Variants in RREB1 observed in about 807,000 individuals in gnomAD.
RREB1 encodes the protein ras responsive element binding protein 1, also known as ras-responsive element-binding protein 1.
Under a neutral mutation model 117.8 loss-of-function variants are expected in RREB1, and 27 were observed. That is an observed-to-expected ratio of 0.23 (90% CI 0.17 to 0.32). The LOEUF (loss-of-function observed/expected upper bound fraction) is 0.32. RREB1 is among the 10% of genes least tolerant of loss of function. RREB1 has a pLI of 1.00. For missense variants in RREB1, 2,577 were observed against 2,378.2 expected (o/e 1.08, Z -1.74); for synonymous variants, 1,298 against 1,026.7 (o/e 1.26, Z -5.05).
At chr6:7,168,270 A>G (rs2113486930) in intron 1 of RREB1, among the ~76,000 whole-genome samples, 1 of 152,004 alleles carries the variant, frequency 6.6e-6, no homozygotes, top group South Asian at 2.1e-4. Flanking sequence ...AAAAAAAAAA[A>G]AAAAAAGATT....
intron 8 of RREB1, among the ~76,000 whole-genome samples, chr6:7,223,853 T>C (rs1767429958): frequency 6.6e-6 from 1 of 152,226 alleles, no homozygotes; most frequent in Admixed American, 6.5e-5. Context: ...CTTTTGCAGT[T>C]GACTTGTATG....
chr6:7,206,883 AGTCT>A (rs1766305054), intron 6 of RREB1, among the ~76,000 whole-genome samples: 1 of 152,214 alleles, frequency 6.6e-6, no homozygotes, highest in South Asian at 2.1e-4. Context: ...CACAGGGGCT[AGTCT>A]GTCTGAAAGA....
At chr6:7,220,704 A>C (rs1322530874) in intron 8 of RREB1, among the ~76,000 whole-genome samples, 1 of 152,192 alleles carries the variant, frequency 6.6e-6, no homozygotes, top group Non-Finnish European at 1.5e-5. Flanking sequence ...TGCAAAACGA[A>C]ATTGTCCTAC....
intron 1 of RREB1, among the ~76,000 whole-genome samples, chr6:7,139,851 C>A (rs1762486754): frequency 6.6e-6 from 1 of 152,140 alleles, no homozygotes; most frequent in South Asian, 2.1e-4. Flanking sequence ...AAAAAAATTC[C>A]TTCTTGGTCC....
chr6:7,195,530 G>C (rs933338427), intron 6 of RREB1, among the ~76,000 whole-genome samples: 3 of 152,214 alleles, frequency 2.0e-5, no homozygotes, highest in Admixed American at 2.0e-4. Context: ...ACTGCCCTGG[G>C]ATGTGTGTGC....
intron 1 of RREB1, among the ~76,000 whole-genome samples, chr6:7,129,922 G>GGTA (rs1762082468): frequency 6.6e-6 from 1 of 152,158 alleles, no homozygotes; most frequent in South Asian, 2.1e-4. Flanking sequence ...GTTTACTGAA[G>GGTA]GTAGGGCCAA....
At chr6:7,107,891 G>C (rs1324734692), upstream of RREB1, 1 of 153,026 alleles carries the variant, frequency 6.5e-6, no homozygotes, top group African/African-American at 2.4e-5. Flanking sequence ...CTCCCTCCCT[G>C]TGGGAGAAGA....
At chr6:7,241,521 G>T (rs1768705167) in intron 11 of RREB1, among the ~76,000 whole-genome samples, 1 of 152,286 alleles carries the variant, frequency 6.6e-6, no homozygotes, top group South Asian at 2.1e-4. Context: ...TGTTTTTTTA[G>T]GGTTGTATTT....
chr6:7,167,158 C>T (rs745673109), intron 1 of RREB1, among the ~76,000 whole-genome samples: 3 of 152,072 alleles, frequency 2.0e-5, no homozygotes, highest in Admixed American at 6.6e-5. Context: ...TGTGTACTTC[C>T]GTAATTAACC....
At chr6:7,109,248 G>A (rs1266838798) in intron 1 of RREB1, among the ~76,000 whole-genome samples, 1 of 151,580 alleles carries the variant, frequency 6.6e-6, no homozygotes, top group Non-Finnish European at 1.5e-5. Flanking sequence ...GGGGCCTGTT[G>A]CTGCCCCCCC....
At chr6:7,139,520 G>T (rs1298201998) in intron 1 of RREB1, among the ~76,000 whole-genome samples, 1 of 152,128 alleles carries the variant, frequency 6.6e-6, no homozygotes, top group African/African-American at 2.4e-5. Context: ...GATAACTGTT[G>T]AAATGTTAAA....
At chr6:7,248,304 G>A (rs1459005475) in intron 12 of RREB1, among the ~76,000 whole-genome samples, 2 of 152,192 alleles carry the variant, frequency 1.3e-5, no homozygotes, top group Non-Finnish European at 2.9e-5. Context: ...GGAAGGAGAG[G>A]AAAGGTCTCA....
In RREB1 at chr6:7,189,314, C is replaced by T. The variant is rs759991515; in HGVS notation, c.417C>T (p.Asn139=). Residue 139 remains asparagine (N), a synonymous_variant, in exon 6 of 13, where the codon AAC becomes AAT. Transcript: ENST00000379938. Reference sequence around the variant, plus strand: ...GCCAGTCATTTACCACCAATGGGAACATGCACAGGTGGGTGAGGGCGCCCT... The same window carrying T: ...GCCAGTCATTTACCACCAATGGGAATATGCACAGGTGGGTGAGGGCGCCCT... The part of the protein sequence containing the change: ...VCGQSFTTNG[N]MHRHMKIHEK... 1 of 1,586,598 alleles carries T rather than the reference C, an allele frequency of 6.3e-7. No homozygotes were observed.
chr6:7,226,598 G>A lies in RREB1; in HGVS notation c.839G>A (p.Gly280Asp). ...FIQNNPSIPA[G>D]FHDLGFTDFS... Reference sequence around the variant, plus strand: ...CAGAACAACCCTTCAATTCCTGCTGGCTTCCACGACTTAGGATTCACGGAC... The same window carrying A: ...CAGAACAACCCTTCAATTCCTGCTGACTTCCACGACTTAGGATTCACGGAC... Residue 280 changes from glycine (G) to aspartate (D), a missense_variant, in exon 9 of 13, where the codon GGC (glycine) becomes GAC (aspartate). Coordinates refer to ENST00000379938, the MANE Select transcript of RREB1 (RefSeq NM_001003699.4). 1.2e-6 allele frequency: 2 copies of A among 1,614,156 alleles called. No individual in the cohort carries two copies. Among genetic ancestry groups the A allele is most frequent in the Non-Finnish European group, 1.7e-6 (2 of 1,180,038 alleles).
intron 6 of RREB1, among the ~76,000 whole-genome samples, chr6:7,190,782 C>T (rs545708999): frequency 6.6e-6 from 1 of 152,212 alleles, no homozygotes; most frequent in Admixed American, 6.5e-5. Flanking sequence ...CCCCACACCC[C>T]CAAAAAGTCC....
At chr6:7,197,959 C>T (rs1387079833) in intron 6 of RREB1, among the ~76,000 whole-genome samples, 1 of 152,172 alleles carries the variant, frequency 6.6e-6, no homozygotes, top group African/African-American at 2.4e-5. Flanking sequence ...CTAAGCCAGC[C>T]CTTGGCGCAC....
chr6:7,127,810 A>T (rs1158825005), intron 1 of RREB1, among the ~76,000 whole-genome samples: 1 of 152,096 alleles, frequency 6.6e-6, no homozygotes, highest in Non-Finnish European at 1.5e-5. Context: ...CTCGCTGCTC[A>T]CCTGCAGAGC....
intron 11 of RREB1, among the ~76,000 whole-genome samples, chr6:7,242,330 T>C (rs551312499): frequency 3.5e-4 from 54 of 152,300 alleles, no homozygotes; most frequent in African/African-American, 1.3e-3. Context: ...ATTTATAAGT[T>C]TGCAGTCATA....
intron 2 of RREB1, among the ~76,000 whole-genome samples, chr6:7,180,023 G>C (rs1764710133): frequency 6.6e-6 from 1 of 152,082 alleles, no homozygotes. Context: ...TGAAAGTATA[G>C]ATGTTTTTTT....
Sources: gnomAD v4.1 joint callset for allele counts (sites outside exome capture counted in the v4.1 genomes callset) on GRCh38, gnomAD v4.1.1 for gene constraint, MANE v1.5 for transcripts, NCBI Gene and HGNC (gene_info 2026-07-23, HGNC 2026-07-21) for gene names.